CALN1: variants seen among roughly 807,000 people sequenced by gnomAD.
CALN1 encodes the protein calneuron 1, also known as calcium-binding protein 8.
A neutral mutation model predicts 30.6 loss-of-function variants in CALN1; 17 were observed. The ratio of observed to expected loss-of-function variants is 0.56; its 90% CI spans 0.38 to 0.83. The LOEUF is 0.83. Ranked by LOEUF, CALN1 falls within the 40% of genes least tolerant of loss-of-function variation. The pLI is 0.00. For missense variants in CALN1, 291 were observed against 354.9 expected, an observed-to-expected ratio of 0.82 and a Z score of 1.45; for synonymous variants, 156 against 131.4, an observed-to-expected ratio of 1.19 and a Z score of -1.28.
At chr7:72,210,111 C>CT (rs1792287067) in intron 3 of CALN1, among the ~76,000 whole-genome samples, 1 of 152,156 alleles carries the variant, frequency 6.6e-6, no homozygotes, top group Non-Finnish European at 1.5e-5. Context: ...AGAAGGACAA[C>CT]TGCAGGGACA....
At chr7:72,281,771 A>T (rs1004118647) in intron 2 of CALN1, among the ~76,000 whole-genome samples, 1 of 152,192 alleles carries the variant, frequency 6.6e-6, no homozygotes, top group Non-Finnish European at 1.5e-5. Flanking sequence ...GGTTGTCTGC[A>T]GCTTTGGATT....
At chr7:72,031,342 T>C (rs540059252) in intron 4 of CALN1, among the ~76,000 whole-genome samples, 1 of 152,172 alleles carries the variant, frequency 6.6e-6, no homozygotes, top group Non-Finnish European at 1.5e-5. Flanking sequence ...CAGAGAGTAA[T>C]AATAAATAAT....
intron 2 of CALN1, among the ~76,000 whole-genome samples, chr7:72,331,601 G>A (rs1316275373): frequency 1.3e-5 from 2 of 152,226 alleles, no homozygotes; most frequent in East Asian, 3.8e-4. Context: ...CAAGCCAGGG[G>A]TGTGAGACAG....
rs115711145 is a variant in CALN1, at chr7:72,329,595, G to A, written c.120-50785C>T. On this transcript the variant is annotated intron_variant, in intron 2 of 6. Coordinates refer to ENST00000395275, the MANE Select transcript of CALN1 (RefSeq NM_031468.4). ...GTTCCCACACCCTGGAAGTTCTTCC[G>A]CAGATATTTCCCCACTTTATCCCTT... Among the ~76,000 whole-genome samples the A allele has an allele frequency of 5.7e-3, 867 of 152,248 alleles. 8 individuals are homozygous for A. The highest frequency in any genetic ancestry group is 0.018 in the African/African-American group (756 of 41,538).
chr7:72,078,936 AAAAC>A (rs773756559), intron 4 of CALN1, among the ~76,000 whole-genome samples: 35 of 152,202 alleles, frequency 2.3e-4, no homozygotes, highest in Admixed American at 7.9e-4. Flanking sequence ...CTCAAAAAAC[AAAAC>A]AAACAAACAA....
At chr7:71,806,218 TG>T (rs1562795326) in intron 6 of CALN1, among the ~76,000 whole-genome samples, 1 of 135,304 alleles carries the variant, frequency 7.4e-6, no homozygotes, top group East Asian at 3.3e-4. Flanking sequence ...GTAAAATTAA[TG>T]AAGAAGCCAG....
chr7:71,919,277 T>C (rs972337588), intron 5 of CALN1, among the ~76,000 whole-genome samples: 3 of 152,224 alleles, frequency 2.0e-5, no homozygotes, highest in East Asian at 1.9e-4. Flanking sequence ...AATGCCTACA[T>C]GATAAGGTAC....
intron 2 of CALN1, among the ~76,000 whole-genome samples, chr7:72,297,288 TA>T: frequency 1.3e-5 from 2 of 151,668 alleles, no homozygotes; most frequent in East Asian, 3.9e-4. Flanking sequence ...AGTTAAAAAA[TA>T]ACAACAAAAT....
intron 2 of CALN1, among the ~76,000 whole-genome samples, chr7:72,331,001 C>T (rs1427710018): frequency 6.6e-6 from 1 of 152,198 alleles, no homozygotes; most frequent in African/African-American, 2.4e-5. Flanking sequence ...GGAAGACAAG[C>T]TCAACATCAC....
chr7:72,062,417 C>T (rs550200996), intron 4 of CALN1, among the ~76,000 whole-genome samples: 1 of 147,100 alleles, frequency 6.8e-6, no homozygotes, highest in East Asian at 2.0e-4. Context: ...GAGGCTGAGG[C>T]AGGAGAATCT....
chr7:72,404,906 TGTGA>T (rs764333584), intron 1 of CALN1, among the ~76,000 whole-genome samples: 14 of 152,332 alleles, frequency 9.2e-5, no homozygotes, highest in African/African-American at 2.9e-4. Flanking sequence ...CCCAAAGCCC[TGTGA>T]GTAACTCATC....
intron 5 of CALN1, among the ~76,000 whole-genome samples, chr7:71,868,762 GGAT>G (rs543238726): frequency 1.0e-3 from 154 of 152,128 alleles, no homozygotes; most frequent in African/African-American, 3.4e-3. Flanking sequence ...CCAACATTGG[GGAT>G]GATAATTCAA....
intron 6 of CALN1, among the ~76,000 whole-genome samples, chr7:71,800,972 C>G (rs1047467344): frequency 1.3e-5 from 2 of 152,066 alleles, no homozygotes; most frequent in Non-Finnish European, 2.9e-5. Context: ...CCTCCCATTG[C>G]CCCCTGACAG....
chr7:71,797,502 G>C (rs934280187), intron 6 of CALN1, among the ~76,000 whole-genome samples: 3 of 152,194 alleles, frequency 2.0e-5, no homozygotes, highest in African/African-American at 7.2e-5. Context: ...CTCAAAGGAA[G>C]AGCTGGAGGA....
intron 5 of CALN1, among the ~76,000 whole-genome samples, chr7:71,995,218 T>C (rs1799192648): frequency 6.6e-6 from 1 of 152,168 alleles, no homozygotes; most frequent in African/African-American, 2.4e-5. Context: ...GCCTGGTCCT[T>C]ACTGTACACG....
intron 3 of CALN1, among the ~76,000 whole-genome samples, chr7:72,228,053 G>A (rs1793815226): frequency 6.6e-6 from 1 of 151,942 alleles, no homozygotes; most frequent in East Asian, 1.9e-4. Flanking sequence ...GAACAGGTTT[G>A]GGAATACTGA....
chr7:72,281,036 C>T (rs187196252), intron 2 of CALN1, among the ~76,000 whole-genome samples: 64 of 151,912 alleles, frequency 4.2e-4, no homozygotes, highest in Non-Finnish European at 7.1e-4. Context: ...CTCAGCTACT[C>T]GGGATACTGA....
chr7:72,211,562 C>A (rs1173892042), intron 3 of CALN1, among the ~76,000 whole-genome samples: 1 of 152,204 alleles, frequency 6.6e-6, no homozygotes, highest in African/African-American at 2.4e-5. Flanking sequence ...CAAGAAACGA[C>A]TCGATAGGTC....
At chr7:71,862,744 T>G (rs1791364442) in intron 5 of CALN1, among the ~76,000 whole-genome samples, 1 of 152,214 alleles carries the variant, frequency 6.6e-6, no homozygotes, top group African/African-American at 2.4e-5. Context: ...GGATTTAAAT[T>G]CCCAGATTTT....
Sources: gnomAD v4.1 joint callset for allele counts (sites outside exome capture counted in the v4.1 genomes callset) on GRCh38, gnomAD v4.1.1 for gene constraint, MANE v1.5 for transcripts, NCBI Gene and HGNC (gene_info 2026-07-23, HGNC 2026-07-21) for gene names.